The following NBEA variants were observed in gnomAD, a reference collection of about 807,000 sequenced individuals.
NBEA encodes the protein neurobeachin.
NBEA carries 44 observed loss-of-function variants against 343.4 expected under a neutral mutation model. The ratio of observed to expected loss-of-function variants is 0.13; its 90% CI spans 0.10 to 0.16. NBEA has a LOEUF of 0.16. Among genes scored for constraint, NBEA ranks in the 10% least tolerant of loss-of-function variants. The pLI, the probability that NBEA is intolerant of heterozygous loss-of-function variation, is 1.00. For missense variants in NBEA, 2,555 were observed against 3,631.3 expected (o/e 0.70, Z 7.62); for synonymous variants, 1,175 against 1,238.7 (o/e 0.95, Z 1.08).
chr13:35,657,318 T>C (rs78481779), intron 55 of NBEA, among the ~76,000 whole-genome samples: 6,222 of 152,272 alleles, frequency 0.041, 180 homozygotes, highest in Non-Finnish European at 0.058. Flanking sequence ...TACATACGAG[T>C]CTCTGTTCTA....
intron 1 of NBEA, among the ~76,000 whole-genome samples, chr13:35,009,742 G>T (rs2061423245): frequency 6.6e-6 from 1 of 152,196 alleles, no homozygotes; most frequent in African/African-American, 2.4e-5. Flanking sequence ...TGGGTGGTGA[G>T]GGTGGATGCA....
At chr13:35,331,523 A>G (rs1238068974) in intron 36 of NBEA, among the ~76,000 whole-genome samples, 1 of 152,014 alleles carries the variant, frequency 6.6e-6, no homozygotes, top group Non-Finnish European at 1.5e-5. Context: ...AATTTGTCTG[A>G]CCTATCCTAT....
intron 34 of NBEA, among the ~76,000 whole-genome samples, chr13:35,267,659 A>G (rs2033795854): frequency 6.6e-6 from 1 of 151,722 alleles, no homozygotes; most frequent in South Asian, 2.1e-4. Flanking sequence ...CTCAACCACA[A>G]AAAAAAACTC....
chr13:35,237,135 T>C (rs1378190043), intron 34 of NBEA, among the ~76,000 whole-genome samples: 1 of 152,138 alleles, frequency 6.6e-6, no homozygotes, highest in Non-Finnish European at 1.5e-5. Context: ...CATGTGCCTA[T>C]AGTCCCAGCT....
intron 1 of NBEA, among the ~76,000 whole-genome samples, chr13:34,994,123 G>C (rs2152518830): frequency 6.7e-6 from 1 of 148,660 alleles, no homozygotes; most frequent in South Asian, 2.1e-4. Flanking sequence ...GCTTGAACCT[G>C]GGTGGCAGAG....
At position 35,435,441 on chromosome 13, in the gene NBEA, C is replaced by A. The variant is rs151030797; in HGVS notation, c.6304+3048C>A. Among the ~76,000 whole-genome samples the A allele has an allele frequency of 4.6e-3, 702 of 152,078 alleles. 7 individuals carry two copies. The highest frequency in any genetic ancestry group is 0.024 in the Middle Eastern group (7 of 294). On this transcript the variant is annotated intron_variant, in intron 39 of 58. Coordinates refer to ENST00000379939, the MANE Select transcript of NBEA (RefSeq NM_001385012.1). Reference sequence around the variant, plus strand: ...TTGATGGTACTTAGACAGGAATGTTCTTGTTTTGAGAAATACAACGGAGTA... The same window carrying A: ...TTGATGGTACTTAGACAGGAATGTTATTGTTTTGAGAAATACAACGGAGTA...
At chr13:34,969,472 C>A (rs559280454) in intron 1 of NBEA, among the ~76,000 whole-genome samples, 16 of 151,756 alleles carry the variant, frequency 1.1e-4, no homozygotes, top group Admixed American at 2.0e-4. Context: ...AAATATGTGT[C>A]ATGGGGGTTT....
At chr13:35,571,606 G>A (rs2080428790) in intron 45 of NBEA, among the ~76,000 whole-genome samples, 1 of 152,166 alleles carries the variant, frequency 6.6e-6, no homozygotes, top group Admixed American at 6.5e-5. Flanking sequence ...GTGAGTGGCA[G>A]TGACAAAGCA....
chr13:35,522,174 TGGCTGGGCAC>T (rs1311984375), intron 41 of NBEA, among the ~76,000 whole-genome samples: 1 of 151,664 alleles, frequency 6.6e-6, no homozygotes, highest in Admixed American at 6.6e-5. Flanking sequence ...TGGGGGTGGT[TGGCTGGGCAC>T]GGTGGCTCAT....
At chr13:35,010,356 C>T (rs1449228737) in intron 1 of NBEA, among the ~76,000 whole-genome samples, 4 of 151,926 alleles carry the variant, frequency 2.6e-5, no homozygotes, top group Admixed American at 1.3e-4. Context: ...GCAGGAGGAT[C>T]ACATGAGGCT....
intron 39 of NBEA, among the ~76,000 whole-genome samples, chr13:35,437,752 C>T (rs117240095): frequency 0.029 from 4,417 of 152,212 alleles, 78 homozygotes; most frequent in South Asian, 0.049. Flanking sequence ...CTCATAAACT[C>T]ACCTTCTGAT....
At chr13:35,138,621 G>A (rs1482586111) in intron 17 of NBEA, among the ~76,000 whole-genome samples, 2 of 151,724 alleles carry the variant, frequency 1.3e-5, no homozygotes, top group East Asian at 1.9e-4. Flanking sequence ...CACCATGCCC[G>A]GCTAATTTTT....
At chr13:35,553,239 AG>A (rs2079426087) in intron 43 of NBEA, among the ~76,000 whole-genome samples, 1 of 152,120 alleles carries the variant, frequency 6.6e-6, no homozygotes, top group Non-Finnish European at 1.5e-5. Flanking sequence ...GCAGCTCAGT[AG>A]TTTTGGTCTC....
chr13:35,322,018 C>G (rs149269642), intron 36 of NBEA, among the ~76,000 whole-genome samples: 5,357 of 152,304 alleles, frequency 0.035, 139 homozygotes, highest in Non-Finnish European at 0.054. Flanking sequence ...GCCAGTGGAT[C>G]TTAGCTTGCT....
Position 35,469,837 on chromosome 13 carries a change from G to T in NBEA, c.6449-2563G>T, listed in dbSNP as rs573386698. 3.3e-5 allele frequency among the ~76,000 whole-genome samples: 5 copies of T among 152,300 alleles called. No individual in the cohort carries two copies. The East Asian group carries it at 9.7e-4, about 29-fold the overall frequency. On this transcript the variant is annotated intron_variant, in intron 40 of 58. Coordinates refer to ENST00000379939, the MANE Select transcript of NBEA (RefSeq NM_001385012.1). ...ATTCTTTGTAAACTATTTTTATTTGGAAAGGGATCCGAGGTTTTCAAATAA... is the reference window on the plus strand; with the variant it reads ...ATTCTTTGTAAACTATTTTTATTTGTAAAGGGATCCGAGGTTTTCAAATAA...
intron 28 of NBEA, among the ~76,000 whole-genome samples, chr13:35,177,557 A>G (rs994959590): frequency 1.3e-4 from 20 of 151,826 alleles, no homozygotes; most frequent in Admixed American, 5.9e-4. Flanking sequence ...ACAGGTATCT[A>G]TGGGAATTTG....
intron 35 of NBEA, among the ~76,000 whole-genome samples, chr13:35,300,491 C>G (rs2036470526): frequency 6.6e-6 from 1 of 152,018 alleles, no homozygotes; most frequent in Non-Finnish European, 1.5e-5. Context: ...TAAATAATTC[C>G]ATTTCAGAGG....
chr13:35,419,725 C>T (rs767814412), intron 38 of NBEA, among the ~76,000 whole-genome samples: 15 of 151,580 alleles, frequency 9.9e-5, no homozygotes, highest in East Asian at 3.9e-4. Flanking sequence ...CCCCACCCCC[C>T]GAAAAACATG....
At chr13:35,651,447 C>T (rs117961080) in intron 52 of NBEA, among the ~76,000 whole-genome samples, 3 of 152,046 alleles carry the variant, frequency 2.0e-5, no homozygotes, top group Admixed American at 2.0e-4. Context: ...CAGCCTCATA[C>T]CCATCCCTGC....
Sources: gnomAD v4.1 joint callset for allele counts (sites outside exome capture counted in the v4.1 genomes callset) on GRCh38, gnomAD v4.1.1 for gene constraint, MANE v1.5 for transcripts, NCBI Gene and HGNC (gene_info 2026-07-23, HGNC 2026-07-21) for gene names.